ZNF331: variants seen among roughly 807,000 people sequenced by gnomAD.
ZNF331 encodes the protein zinc finger protein 331.
Under a neutral mutation model 7.0 loss-of-function variants are expected in ZNF331, and 2 were observed. The ratio of observed to expected loss-of-function variants is 0.29; its 90% CI spans 0.12 to 0.90. ZNF331 has a LOEUF of 0.90. ZNF331 is among the 40% of genes least tolerant of loss of function. The probability of loss-of-function intolerance (pLI) is 0.58; values close to 1 mark genes in which losing one functional copy is unlikely to be tolerated. For synonymous variants in ZNF331, 196 were observed against 205.4 expected (o/e 0.95, Z 0.39); for missense variants, 432 against 587.7 (o/e 0.74, Z 2.74).
rs73587730 is a variant in ZNF331 at position 53,566,908 on chromosome 19, T to C, written c.-73-2396T>C. 2.5e-3 allele frequency among the ~76,000 whole-genome samples: 383 copies of C among 152,222 alleles called. 1 individual carries two copies. Among genetic ancestry groups the C allele is most frequent in the African/African-American group, 8.9e-3 (369 of 41,538 alleles). ...AGGGTTGGTTTGTCAGCGTGTATGG[T>C]TCTGCATTCCCTCCTTCCCTCTCTC... On this transcript the variant is annotated intron_variant, in intron 3 of 5. Coordinates refer to ENST00000449416, the MANE Select transcript of ZNF331 (RefSeq NM_001079906.2).
intron 2 of ZNF331, among the ~76,000 whole-genome samples, chr19:53,544,545 A>C (rs78186107): frequency 2.5e-5 from 3 of 118,862 alleles, no homozygotes; most frequent in African/African-American, 1.1e-4. Flanking sequence ...ACTCCGTCTC[A>C]AAAAAAAAAA....
At chr19:53,548,830 C>G (rs2088796102) in intron 2 of ZNF331, among the ~76,000 whole-genome samples, 2 of 151,794 alleles carry the variant, frequency 1.3e-5, no homozygotes, top group Admixed American at 1.3e-4. Flanking sequence ...ATTTTGACTT[C>G]ATTTTTCTTT....
chr19:53,577,024 G>A lies in ZNF331; in HGVS notation c.464G>A (p.Gly155Asp). 6.2e-7 allele frequency: 1 copy of A among 1,613,616 alleles called. No individual in the cohort carries two copies. The highest frequency in any genetic ancestry group is 8.5e-7 in the Non-Finnish European group (1 of 1,179,734). Reference protein sequence around the residue: ...QLSQHQKIHTGEKPYECKECK... With the variant: ...QLSQHQKIHTDEKPYECKECK... Reference sequence around the variant, plus strand: ...AGTCAACATCAGAAAATCCATACTGGTGAGAAACCTTATGAATGTAAAGAA... The same window carrying A: ...AGTCAACATCAGAAAATCCATACTGATGAGAAACCTTATGAATGTAAAGAA... Residue 155 changes from glycine to aspartate, a missense_variant, in exon 6 of 6, where the codon GGT (glycine) becomes GAT (aspartate). Coordinates refer to ENST00000449416, the MANE Select transcript of ZNF331 (RefSeq NM_001079906.2).
At chr19:53,530,938 A>G (rs2708818) in intron 2 of ZNF331, among the ~76,000 whole-genome samples, 39,861 of 152,000 alleles carry the variant, frequency 0.26, 6,185 homozygotes, top group African/African-American at 0.43. Context: ...TCAGCTACAC[A>G]GTCTATAACC....
the ZNF331 span, among the ~76,000 whole-genome samples, chr19:53,507,139 A>C: frequency 2.0e-5 from 3 of 152,174 alleles, no homozygotes; most frequent in African/African-American, 4.8e-5. Context: ...AGTGGTCGAC[A>C]AAAGTTGTAG....
At chr19:53,523,155 A>G (rs1366733289) in intron 2 of ZNF331, 1 of 152,044 alleles carries the variant, frequency 6.6e-6, no homozygotes. Context: ...CCATCACCTC[A>G]CTAATTATTA....
chr19:53,576,323 ACG>A (rs2090720938), intron 5 of ZNF331, among the ~76,000 whole-genome samples: 3 of 152,270 alleles, frequency 2.0e-5, no homozygotes, highest in African/African-American at 7.2e-5. Context: ...ACTGACATAT[ACG>A]TGTATCAGTT....
chr19:53,506,436 CTCTCTCTG>C, the ZNF331 span, among the ~76,000 whole-genome samples: 99 of 75,298 alleles, frequency 1.3e-3, 1 homozygote, highest in Admixed American at 6.2e-3. Context: ...CTCTCTCTCT[CTCTCTCTG>C]TCTCTCTCTC....
At chr19:53,509,721 G>T in the ZNF331 span, among the ~76,000 whole-genome samples, 1 of 152,100 alleles carries the variant, frequency 6.6e-6, no homozygotes, top group Non-Finnish European at 1.5e-5. Context: ...GCAGAGCCTG[G>T]GAAAGCTCTG....
At chr19:53,522,155 T>A (rs1271716408) in intron 1 of ZNF331, 1 of 151,612 alleles carries the variant, frequency 6.6e-6, no homozygotes, top group East Asian at 1.9e-4. Context: ...GTTCCTAGAG[T>A]TTTCCAGCAT....
At chr19:53,506,434 C>CTCTCTCTG in the ZNF331 span, among the ~76,000 whole-genome samples, 8 of 73,170 alleles carry the variant, frequency 1.1e-4, no homozygotes, top group African/African-American at 4.1e-4. Flanking sequence ...CTCTCTCTCT[C>CTCTCTCTG]TCTCTCTCTG....
intron 2 of ZNF331, among the ~76,000 whole-genome samples, chr19:53,544,945 GC>G (rs1287221067): frequency 1.3e-5 from 2 of 152,012 alleles, no homozygotes; most frequent in African/African-American, 4.8e-5. Context: ...TGTTGGCCAG[GC>G]TGGTGTCGAA....
At chr19:53,544,718 G>A (rs979464141) in intron 2 of ZNF331, among the ~76,000 whole-genome samples, 36 of 152,046 alleles carry the variant, frequency 2.4e-4, no homozygotes, top group African/African-American at 8.7e-4. Flanking sequence ...TCCTGGCTGT[G>A]ATACTGTACT....
In ZNF331 at chr19:53,571,621, C is replaced by T. The variant is rs775327332; in HGVS notation, c.27C>T (p.Ala9=). The T allele has an allele frequency of 9.3e-6, 15 of 1,613,800 alleles. No individual in the cohort carries two copies. Among genetic ancestry groups the T allele is most frequent in the African/African-American group, 2.7e-5 (2 of 74,878 alleles). MAQGLVTF[A]DVAIDFSQEE... is the part of the protein sequence containing the mutation. ...TGTTTCAGGGTTTGGTGACGTTCGC[C>T]GACGTAGCCATAGACTTTTCTCAGG... The change falls in exon 5 of 6, where the codon GCC becomes GCT. Residue 9 remains alanine, a synonymous_variant. Coordinates refer to ENST00000449416, the MANE Select transcript of ZNF331 (RefSeq NM_001079906.2). The surrounding 1 kb of genome is among the most constrained non-coding windows in gnomAD (Gnocchi z 4.7).
the ZNF331 span, among the ~76,000 whole-genome samples, chr19:53,504,858 A>C: frequency 6.6e-6 from 1 of 152,224 alleles, no homozygotes; most frequent in Non-Finnish European, 1.5e-5. Context: ...GTTAGCGGAC[A>C]GAAAACGGCT....
At chr19:53,518,718 G>C (rs1001890448), upstream of ZNF331, among the ~76,000 whole-genome samples, 4 of 152,208 alleles carry the variant, frequency 2.6e-5, no homozygotes, top group Non-Finnish European at 4.4e-5. Context: ...AGAGAAAAGA[G>C]ATAGGAGAAA....
At chr19:53,574,964 G>A (rs1295447976) in intron 5 of ZNF331, among the ~76,000 whole-genome samples, 3 of 137,620 alleles carry the variant, frequency 2.2e-5, no homozygotes, top group Non-Finnish European at 3.1e-5. Flanking sequence ...TTGAGGCAGG[G>A]TCTTACTCTG....
chr19:53,552,145 A>G (rs1429920581), intron 2 of ZNF331, among the ~76,000 whole-genome samples: 2 of 152,232 alleles, frequency 1.3e-5, no homozygotes, highest in South Asian at 2.1e-4. Context: ...TAAATGTCCT[A>G]TAACACATGG....
chr19:53,504,842 G>C, the ZNF331 span, among the ~76,000 whole-genome samples: 2 of 152,134 alleles, frequency 1.3e-5, no homozygotes, highest in Non-Finnish European at 2.9e-5. Context: ...GTTCTTCACC[G>C]GTGTGGTTAG....
Sources: gnomAD v4.1 joint callset for allele counts (sites outside exome capture counted in the v4.1 genomes callset) on GRCh38, gnomAD v4.1.1 for gene constraint, Gnocchi (gnomAD v3.1) non-coding constraint, MANE v1.5 for transcripts, NCBI Gene and HGNC (gene_info 2026-07-23, HGNC 2026-07-21) for gene names.